RTF2: variants seen among roughly 807,000 people sequenced by gnomAD.
RTF2 encodes replication termination factor 2, also known as UPF0549 protein C20orf43.
A neutral mutation model predicts 38.0 loss-of-function variants in RTF2; 18 were observed. That is an observed-to-expected ratio of 0.47 (90% CI 0.33 to 0.70). RTF2 has a LOEUF of 0.70. Among genes scored for constraint, RTF2 ranks in the 30% least tolerant of loss-of-function variants. The probability of loss-of-function intolerance (pLI) is 0.02; values close to 1 mark genes in which losing one functional copy is unlikely to be tolerated. For synonymous variants in RTF2, 126 were observed against 137.1 expected, an observed-to-expected ratio of 0.92 and a Z score of 0.57; for missense variants, 311 against 379.6, an observed-to-expected ratio of 0.82 and a Z score of 1.50.
chr20:56,497,034 A>C (rs983473029), intron 5 of RTF2: 9 of 1,551,642 alleles, frequency 5.8e-6, no homozygotes, highest in Non-Finnish European at 7.8e-6. Flanking sequence ...TTTAGAATGC[A>C]CTAGAACTTT....
chr20:56,515,000 T>G (rs1458608364), intron 6 of RTF2, among the ~76,000 whole-genome samples: 3 of 148,186 alleles, frequency 2.0e-5, no homozygotes, highest in Non-Finnish European at 3.0e-5. Context: ...TGAGCCGAGA[T>G]CGCACCTCTG....
intron 3 of RTF2, among the ~76,000 whole-genome samples, chr20:56,475,635 G>A (rs968876414): frequency 1.3e-5 from 2 of 152,086 alleles, no homozygotes; most frequent in African/African-American, 4.8e-5. Flanking sequence ...TCAAAAATGT[G>A]ATAAACGATT....
intron 1 of RTF2, among the ~76,000 whole-genome samples, chr20:56,470,184 G>A (rs1981884870): frequency 6.6e-6 from 1 of 152,188 alleles, no homozygotes; most frequent in South Asian, 2.1e-4. Context: ...ATGTAAACAG[G>A]CGAATGCTGG....
intron 5 of RTF2, 49 bp downstream of exon 5, chr20:56,484,238 T>A: frequency 6.9e-7 from 1 of 1,458,420 alleles, no homozygotes; most frequent in Non-Finnish European, 9.6e-7. Context: ...GCTGAGGAAA[T>A]CAGATGGTTT....
At chr20:56,489,223 T>TA (rs1459251089) in intron 5 of RTF2, among the ~76,000 whole-genome samples, 14 of 59,210 alleles carry the variant, frequency 2.4e-4, no homozygotes, top group Non-Finnish European at 3.4e-4. Flanking sequence ...GCCTGGTTAT[T>TA]TTTTTTTTTT....
At chr20:56,485,409 A>C (rs1162037772) in intron 5 of RTF2, among the ~76,000 whole-genome samples, 1 of 152,186 alleles carries the variant, frequency 6.6e-6, no homozygotes, top group East Asian at 1.9e-4. Context: ...GGGTCATCTC[A>C]TGCAAGGCCT....
chr20:56,507,024 C>T (rs912146215), intron 5 of RTF2, among the ~76,000 whole-genome samples: 1 of 152,092 alleles, frequency 6.6e-6, no homozygotes, highest in African/African-American at 2.4e-5. Context: ...TTAACCATTT[C>T]ACCCATTCTT....
intron 8 of RTF2, 56 bp downstream of exon 8, chr20:56,517,257 G>T: frequency 2.1e-6 from 3 of 1,431,168 alleles, no homozygotes; most frequent in Non-Finnish European, 2.9e-6. Context: ...AACCCAGGTG[G>T]CCGAGTCCAG....
chr20:56,469,023 C>T (rs1981826050), intron 1 of RTF2, among the ~76,000 whole-genome samples: 1 of 152,196 alleles, frequency 6.6e-6, no homozygotes, highest in South Asian at 2.1e-4. Context: ...TAGCTACATA[C>T]TGTTGTCCTC....
intron 6 of RTF2, 100 bp from the exon 7 acceptor site, chr20:56,516,835 C>G (rs894669762): frequency 2.1e-5 from 21 of 982,978 alleles, no homozygotes; most frequent in Non-Finnish European, 2.7e-5. Context: ...TGACTAGCAT[C>G]GGTCAGTCAG....
At chr20:56,491,751 G>A in intron 5 of RTF2, 3 of 1,551,952 alleles carry the variant, frequency 1.9e-6, no homozygotes, top group Non-Finnish European at 8.7e-7. Flanking sequence ...AGGTCTCCTG[G>A]TCCGTATACG....
intron 5 of RTF2, among the ~76,000 whole-genome samples, chr20:56,504,596 C>T (rs1984139679): frequency 6.6e-6 from 1 of 152,226 alleles, no homozygotes; most frequent in Admixed American, 6.5e-5. Flanking sequence ...TGCGCCATAG[C>T]ATGTGGTGAA....
In RTF2 at chr20:56,468,694, T is replaced by G; in HGVS notation, c.-4T>G. 6.3e-7 allele frequency: 1 copy of G among 1,576,502 alleles called. No homozygotes were observed. Among genetic ancestry groups the G allele is most frequent in the Non-Finnish European group, 8.6e-7 (1 of 1,161,398 alleles). On this transcript the variant is annotated 5_prime_UTR_variant, in exon 1 of 9. Coordinates refer to ENST00000357348, the MANE Select transcript of RTF2 (RefSeq NM_016407.5). ...TTGCTGCTGGCTCTGACTCCCGTCC[T>G]GCGATGGGTTGCGACGGGGGAACAA... is the stretch of plus-strand genomic sequence containing the variant.
At chr20:56,512,623 G>A (rs930513029) in intron 5 of RTF2, among the ~76,000 whole-genome samples, 3 of 152,120 alleles carry the variant, frequency 2.0e-5, no homozygotes, top group African/African-American at 4.8e-5. Flanking sequence ...TGTGTTGGGC[G>A]CCCCCAAGGC....
intron 5 of RTF2, among the ~76,000 whole-genome samples, chr20:56,510,918 A>G (rs943658498): frequency 5.0e-4 from 76 of 152,270 alleles, no homozygotes; most frequent in African/African-American, 1.8e-3. Flanking sequence ...GCACCACTGC[A>G]CTCCAGCCTG....
rs1226381292 is a variant in RTF2 at position 56,495,134 on chromosome 20, G to A, written c.477+10945G>A. ...ATCCTCCGTCTTGCCCACTAGGATT[G>A]AGGCAGCAGTTTTATAGTTGTTGTA... On this transcript the variant is annotated intron_variant, in intron 5 of 8. Coordinates refer to ENST00000357348, the MANE Select transcript of RTF2 (RefSeq NM_016407.5). The A allele has an allele frequency of 4.6e-6, 5 of 1,081,330 alleles. No individual in the cohort carries two copies. In the East Asian group the frequency reaches 1.3e-4, roughly 28 times the overall value. 67.0% of individuals were successfully genotyped at this position (1,081,330 alleles called of 1,614,324 possible). A position where few individuals can be genotyped will look rare whatever the true frequency, so the allele number is the denominator to read the frequency against.
In RTF2 at chr20:56,474,667, T is replaced by TA. The variant is rs1169838592; in HGVS notation, c.165-10dup. The TA allele has an allele frequency of 2.6e-6, 4 of 1,565,680 alleles. No homozygotes were observed. The highest frequency in any genetic ancestry group is 3.5e-6 in the Non-Finnish European group (4 of 1,146,632). Reference sequence around the variant, plus strand: ...CTTGTTGACATAATATTCTAATACTTACTATTGCAGACTTTATAACAAAGA... The same window carrying TA: ...CTTGTTGACATAATATTCTAATACTTAACTATTGCAGACTTTATAACAAAGA... On this transcript the variant is annotated splice_polypyrimidine_tract_variant and intron_variant, in intron 2 of 8. Coordinates refer to ENST00000357348, the MANE Select transcript of RTF2 (RefSeq NM_016407.5).
chr20:56,490,850 T>A (rs1269261320), intron 5 of RTF2, among the ~76,000 whole-genome samples: 1 of 152,186 alleles, frequency 6.6e-6, no homozygotes. Flanking sequence ...AACTTAATTT[T>A]TAAAAATTAA....
At chr20:56,500,498 A>C (rs1236704668) in intron 5 of RTF2, among the ~76,000 whole-genome samples, 1 of 152,196 alleles carries the variant, frequency 6.6e-6, no homozygotes, top group African/African-American at 2.4e-5. Context: ...TCAGTAGTTT[A>C]TAATAATTAA....
Sources: gnomAD v4.1 joint callset for allele counts (sites outside exome capture counted in the v4.1 genomes callset) on GRCh38, gnomAD v4.1.1 for gene constraint, MANE v1.5 for transcripts, NCBI Gene and HGNC (gene_info 2026-07-23, HGNC 2026-07-21) for gene names.